TMPRSS11E: variants seen among roughly 807,000 people sequenced by gnomAD.
TMPRSS11E encodes transmembrane protease serine 11E.
TMPRSS11E carries 38 observed loss-of-function variants against 48.1 expected under a neutral mutation model. The ratio of observed to expected loss-of-function variants is 0.79; its 90% CI spans 0.61 to 1.04. The LOEUF (loss-of-function observed/expected upper bound fraction) is 1.04, where lower values mean the gene tolerates loss of function less well. Ranked by LOEUF, TMPRSS11E falls within the 50% of genes least tolerant of loss-of-function variation. The pLI is 0.00. For synonymous variants in TMPRSS11E, 158 were observed against 171.9 expected, an observed-to-expected ratio of 0.92 and a Z score of 0.63; for missense variants, 530 against 510.8, an observed-to-expected ratio of 1.04 and a Z score of -0.36.
intron 9 of TMPRSS11E, among the ~76,000 whole-genome samples, chr4:68,491,565 C>T (rs544341069): frequency 3.9e-5 from 6 of 152,236 alleles, no homozygotes; most frequent in Admixed American, 3.3e-4. Flanking sequence ...TGGCTATTGC[C>T]ACCAATTTTG....
At position 68,457,928 on chromosome 4, in the gene TMPRSS11E, A is replaced by G. The variant is rs189008182; in HGVS notation, c.12-3893A>G. On this transcript the variant is annotated intron_variant, in intron 1 of 9. Transcript: ENST00000305363. ...AGCAGAACATCATACACTGGGGCCT[A>G]TCAGTGGGTGGGGGGCTAGGGGAGG... Among the ~76,000 whole-genome samples the G allele has an allele frequency of 7.8e-4, 119 of 152,080 alleles. 1 individual carries two copies. Among genetic ancestry groups the G allele is most frequent in the South Asian group, 4.8e-3 (23 of 4,814 alleles).
In TMPRSS11E at chr4:68,471,546, T is replaced by A. The variant is rs1163598892; in HGVS notation, c.413T>A (p.Val138Asp). The change falls in exon 5 of 10, where the codon GTT becomes GAT. Residue 138 changes from valine (V) to aspartate (D), a missense_variant. Coordinates refer to ENST00000305363, the MANE Select transcript of TMPRSS11E (RefSeq NM_014058.4). ...GATCCTGAAACTGTAGATAAAATTG[T>A]TCAACTTGTTTTACATGAAAAGCTG... ...TEDPETVDKIVQLVLHEKLQD... is the reference protein window; with the variant it reads ...TEDPETVDKIDQLVLHEKLQD... 1.2e-6 allele frequency: 2 copies of A among 1,611,602 alleles called. No individual in the cohort carries two copies. Among genetic ancestry groups the A allele is most frequent in the Non-Finnish European group, 1.7e-6 (2 of 1,178,774 alleles).
Position 68,470,546 on chromosome 4 carries a change from A to G in TMPRSS11E, c.327-914A>G, listed in dbSNP as rs141642342. ...TGCACAAATGTATGAGTGCATTTGA[A>G]TGTTTAATTTCTAGAAGTGGAAATG... On this transcript the variant is annotated intron_variant, in intron 4 of 9. Coordinates refer to ENST00000305363, the MANE Select transcript of TMPRSS11E (RefSeq NM_014058.4). 2.1e-3 allele frequency among the ~76,000 whole-genome samples: 318 copies of G among 152,006 alleles called. 1 individual carries two copies. Among genetic ancestry groups the G allele is most frequent in the African/African-American group, 7.1e-3 (295 of 41,536 alleles).
In TMPRSS11E at chr4:68,461,803, A is replaced by G. The variant is rs1469495733; in HGVS notation, c.12-18A>G. ...TTGCATGCTCTGAAATAATCTATCTATTTATTTTCTTCCTTAGGCCAGATG... is the reference window on the plus strand; with the variant it reads ...TTGCATGCTCTGAAATAATCTATCTGTTTATTTTCTTCCTTAGGCCAGATG... On this transcript the variant is annotated intron_variant, in intron 1 of 9. Transcript: ENST00000305363. The G allele has an allele frequency of 1.9e-6, 3 of 1,613,724 alleles. No individual in the cohort carries two copies. Among genetic ancestry groups the G allele is most frequent in the Non-Finnish European group, 2.5e-6 (3 of 1,179,902 alleles).
chr4:68,488,671 T>A (rs1229542656), intron 9 of TMPRSS11E, among the ~76,000 whole-genome samples: 2 of 151,544 alleles, frequency 1.3e-5, no homozygotes, highest in African/African-American at 4.8e-5. Flanking sequence ...CCTGAGTAGC[T>A]GGGATTACAG....
chr4:68,464,187 A>G (rs192750350), intron 2 of TMPRSS11E, among the ~76,000 whole-genome samples: 1 of 152,292 alleles, frequency 6.6e-6, no homozygotes, highest in Admixed American at 6.5e-5. Flanking sequence ...ATGTAAACTA[A>G]CCGAGTGGCT....
intron 1 of TMPRSS11E, among the ~76,000 whole-genome samples, chr4:68,453,670 A>T (rs1003583231): frequency 3.9e-5 from 6 of 151,932 alleles, no homozygotes; most frequent in Non-Finnish European, 5.9e-5. Context: ...ATTTCCCTTG[A>T]TTGCAACAAT....
chr4:68,467,990 T>A (rs1728969652), intron 3 of TMPRSS11E, among the ~76,000 whole-genome samples: 1 of 152,074 alleles, frequency 6.6e-6, no homozygotes, highest in African/African-American at 2.4e-5. Context: ...TTAATAATAG[T>A]TTTGAAGTTA....
At chr4:68,461,525 CT>C (rs1171161763) in intron 1 of TMPRSS11E, among the ~76,000 whole-genome samples, 2 of 152,200 alleles carry the variant, frequency 1.3e-5, no homozygotes, top group Non-Finnish European at 2.9e-5. Flanking sequence ...GTTACAGGCA[CT>C]TTATATGTAG....
intron 4 of TMPRSS11E, among the ~76,000 whole-genome samples, chr4:68,469,994 C>T (rs950035924): frequency 6.6e-6 from 1 of 151,882 alleles, no homozygotes; most frequent in Non-Finnish European, 1.5e-5. Flanking sequence ...TACTGCTACT[C>T]ATTATTCTGT....
chr4:68,482,320 A>G (rs34330040), intron 9 of TMPRSS11E, among the ~76,000 whole-genome samples: 49,576 of 151,882 alleles, frequency 0.33, 8,855 homozygotes, highest in East Asian at 0.77. Context: ...GCAACATGAG[A>G]TTTGGGCAGG....
chr4:68,485,121 CT>C (rs1399081986), intron 9 of TMPRSS11E, among the ~76,000 whole-genome samples: 3 of 151,954 alleles, frequency 2.0e-5, no homozygotes, highest in African/African-American at 7.3e-5. Context: ...GTATGTTCCT[CT>C]GATGCCTAGT....
chr4:68,493,475 T>TG (rs918856637), intron 9 of TMPRSS11E, among the ~76,000 whole-genome samples: 4 of 152,064 alleles, frequency 2.6e-5, no homozygotes, highest in South Asian at 4.1e-4. Context: ...CCCATTTTTT[T>TG]GGGGGGGAGG....
intron 9 of TMPRSS11E, among the ~76,000 whole-genome samples, chr4:68,491,924 C>T (rs187557091): frequency 2.0e-5 from 3 of 152,320 alleles, no homozygotes; most frequent in East Asian, 3.9e-4. Flanking sequence ...GTTGGCATCA[C>T]TATAGTTCTT....
chr4:68,476,431 T>C lies in TMPRSS11E; in HGVS notation c.700T>C (p.Phe234Leu). The C allele has an allele frequency of 6.2e-7, 1 of 1,608,776 alleles. No individual in the cohort carries two copies. Among genetic ancestry groups the C allele is most frequent in the African/African-American group, 1.3e-5 (1 of 74,938 alleles). ...ATGGCTTGTGAGTGCTGCTCACTGT[T>C]TTACAACGTAAGTCTTGAAGCTTGA... ...ATWLVSAAHCFTTYKNPARWT... is the reference protein window; with the variant it reads ...ATWLVSAAHCLTTYKNPARWT... Residue 234 changes from phenylalanine to leucine, a missense_variant, in exon 7 of 10, where the codon TTT becomes CTT. By Grantham distance (22) the Phe-to-Leu change is conservative. Transcript: ENST00000305363.
chr4:68,476,311 G>T lies in TMPRSS11E; in HGVS notation c.580G>T (p.Gly194Cys), dbSNP rs149066721. The T allele has an allele frequency of 8.1e-6, 13 of 1,614,164 alleles. No homozygotes were observed. In the East Asian group the frequency reaches 2.5e-4, roughly 30 times the overall value. Residue 194 changes from glycine to cysteine, a missense_variant, in exon 7 of 10, where the codon GGT becomes TGT. By Grantham distance (159) the Gly-to-Cys change is radical. Transcript: ENST00000305363. ...KTLGQSLRIVGGTEVEEGEWP... is the reference protein window; with the variant it reads ...KTLGQSLRIVCGTEVEEGEWP... ...TCTAGGTCAGAGTCTCAGGATCGTT[G>T]GTGGGACAGAAGTAGAAGAGGGTGA...
intron 5 of TMPRSS11E, among the ~76,000 whole-genome samples, chr4:68,474,219 T>C (rs555607436): frequency 1.3e-5 from 2 of 152,228 alleles, no homozygotes; most frequent in South Asian, 4.1e-4. Context: ...GGTAACATTG[T>C]TTTTAACTGT....
chr4:68,473,139 T>C (rs1729119813), intron 5 of TMPRSS11E, among the ~76,000 whole-genome samples: 1 of 152,044 alleles, frequency 6.6e-6, no homozygotes, highest in African/African-American at 2.4e-5. Context: ...CTTCAGCTTA[T>C]TGAGGGGTGA....
chr4:68,485,282 G>T (rs920322099), intron 9 of TMPRSS11E, among the ~76,000 whole-genome samples: 2 of 152,068 alleles, frequency 1.3e-5, no homozygotes, highest in Non-Finnish European at 1.5e-5. Context: ...GAGTAGCTGG[G>T]ATTACAGGTG....
Sources: gnomAD v4.1 joint callset for allele counts (sites outside exome capture counted in the v4.1 genomes callset) on GRCh38, gnomAD v4.1.1 for gene constraint, MANE v1.5 for transcripts, NCBI Gene and HGNC (gene_info 2026-07-23, HGNC 2026-07-21) for gene names.